KCNQ1: variants seen among roughly 807,000 people sequenced by gnomAD.
KCNQ1 encodes potassium voltage-gated channel subfamily KQT member 1.
In KCNQ1, 49 loss-of-function variants were observed where a neutral mutation model predicts 72.4. That is an observed-to-expected ratio of 0.68 (90% confidence interval 0.54 to 0.86). The LOEUF is 0.86. KCNQ1 is among the 40% of genes least tolerant of loss of function. KCNQ1 has a pLI of 0.00. For missense variants in KCNQ1, 790 were observed against 945.1 expected, an observed-to-expected ratio of 0.84 and a Z score of 2.15; for synonymous variants, 450 against 412.6, an observed-to-expected ratio of 1.09 and a Z score of -1.10.
chr11:2,801,795 G>A (rs1847271797), intron 15 of KCNQ1, among the ~76,000 whole-genome samples: 1 of 152,216 alleles, frequency 6.6e-6, no homozygotes, highest in South Asian at 2.1e-4. Context: ...CTTGTTGCGG[G>A]GGTGTCCTTG....
chr11:2,496,959 A>C (rs1393453701), intron 1 of KCNQ1, among the ~76,000 whole-genome samples: 1 of 152,162 alleles, frequency 6.6e-6, no homozygotes, highest in East Asian at 1.9e-4. Flanking sequence ...TTCTGCTTGA[A>C]AATTCTTTTC....
rs1849881468 is a variant in KCNQ1, at chr11:2,657,999, T to C, written c.1394-3962T>C. The C allele has an allele frequency of 2.5e-6, 1 of 398,582 alleles. No individual in the cohort carries two copies. Among genetic ancestry groups the C allele is most frequent in the Non-Finnish European group, 4.4e-6 (1 of 226,056 alleles). 24.7% of individuals were successfully genotyped at this position (398,582 alleles called of 1,614,324 possible). A position where few individuals can be genotyped will look rare whatever the true frequency, so the allele number is the denominator to read the frequency against. On this transcript the variant is annotated intron_variant, in intron 10 of 15. Transcript: ENST00000155840. This position sits in a 1 kb window ranked among gnomAD's most constrained non-coding sequence, Gnocchi z 4.8. ...GCCAGGCTCCTCCACTGTAAGTGAA[T>C]AGCTGTTTTTCCCTTTCCATAGCTT... is the stretch of plus-strand genomic sequence containing the variant.
intron 11 of KCNQ1, chr11:2,672,174 T>G (rs984011719): frequency 2.5e-6 from 1 of 398,568 alleles, no homozygotes; most frequent in African/African-American, 2.1e-5. Flanking sequence ...TTTCAGTGTT[T>G]TCTTTAGGTT....
At chr11:2,552,319 G>T (rs1847995032) in intron 2 of KCNQ1, among the ~76,000 whole-genome samples, 1 of 152,118 alleles carries the variant, frequency 6.6e-6, no homozygotes, top group Non-Finnish European at 1.5e-5. Context: ...TCTGCATGTG[G>T]TTATCCAGTT....
At chr11:2,529,932 AG>A (rs1224490632) in intron 2 of KCNQ1, among the ~76,000 whole-genome samples, 4 of 152,178 alleles carry the variant, frequency 2.6e-5, no homozygotes, top group Non-Finnish European at 5.9e-5. Flanking sequence ...GATTCTGGTC[AG>A]GGGTCTTTCC....
rs1326326471 is a variant in KCNQ1 at position 2,588,457 on chromosome 11, A to G, written c.1252-256A>G. ...TCCACTGGCACCATCTTGTACGTTT[A>G]TCTGCTTCCTGCTGTCCTGTTAGCG... is the stretch of plus-strand genomic sequence containing the variant. On this transcript the variant is annotated intron_variant, in intron 9 of 15. Transcript: ENST00000155840. The surrounding 1 kb of genome is among the most constrained non-coding windows in gnomAD (Gnocchi z 5.6). Among the ~76,000 whole-genome samples, 2 of 151,912 alleles carry G rather than the reference A, an allele frequency of 1.3e-5. No homozygotes were observed. The highest frequency in any genetic ancestry group is 4.8e-5 in the African/African-American group (2 of 41,362).
chr11:2,695,005 A>C lies in KCNQ1; in HGVS notation c.1514+32924A>C. ...AGGCTGGCAGAGCCAAAGCTCAGTG[A>C]GGGAGGACAGTGGTCAGAGAGGTAA... On this transcript the variant is annotated intron_variant, in intron 11 of 15. Transcript: ENST00000155840. The surrounding 1 kb of genome is among the most constrained non-coding windows in gnomAD (Gnocchi z 5.2). The C allele has an allele frequency of 2.5e-6, 1 of 398,752 alleles. No individual in the cohort carries two copies. The highest frequency in any genetic ancestry group is 4.4e-6 in the Non-Finnish European group (1 of 226,122). 24.7% of individuals were successfully genotyped at this position (398,752 alleles called of 1,614,324 possible).
intron 1 of KCNQ1, among the ~76,000 whole-genome samples, chr11:2,524,953 G>A (rs1847470353): frequency 6.6e-6 from 1 of 152,200 alleles, no homozygotes; most frequent in Non-Finnish European, 1.5e-5. Flanking sequence ...CCTCGTGGCT[G>A]AGCCAGGCTG....
chr11:2,540,370 C>A (rs983239735), intron 2 of KCNQ1, among the ~76,000 whole-genome samples: 3 of 152,146 alleles, frequency 2.0e-5, no homozygotes, highest in African/African-American at 7.3e-5. Context: ...GGACAGGGCT[C>A]GGTGCGGCCT....
intron 11 of KCNQ1, among the ~76,000 whole-genome samples, chr11:2,740,220 G>C (rs1846028881): frequency 2.6e-5 from 4 of 152,150 alleles, no homozygotes; most frequent in Admixed American, 2.6e-4. Flanking sequence ...CAGGAGGGAG[G>C]GTGGGGGATG....
At position 2,723,643 on chromosome 11, in the gene KCNQ1, C is replaced by G. The variant is rs528313870; in HGVS notation, c.1515-45201C>G. 3.9e-5 allele frequency among the ~76,000 whole-genome samples: 6 copies of G among 152,334 alleles called. No homozygotes were observed. In the East Asian group the frequency reaches 7.7e-4, roughly 20 times the overall value. On this transcript the variant is annotated intron_variant, in intron 11 of 15. Transcript: ENST00000155840. This position sits in a 1 kb window ranked among gnomAD's most constrained non-coding sequence, Gnocchi z 4.2. ...GAAGTAGCAACAGCCTCGAATCCCT[C>G]ACACCTAGCGGTTGGCTGGGCAGGT...
chr11:2,546,841 T>C (rs943180651), intron 2 of KCNQ1, among the ~76,000 whole-genome samples: 3 of 152,242 alleles, frequency 2.0e-5, no homozygotes, highest in Non-Finnish European at 4.4e-5. Context: ...CATTTGTCAT[T>C]ATGAAACTGC....
chr11:2,657,699 T>C lies in KCNQ1; in HGVS notation c.1394-4262T>C, dbSNP rs1849874586. ...GTCCTTTTTCTGTTCCAAGATCCCATCTAGGATCGATCATTACATTTATTG... is the reference window on the plus strand; with the variant it reads ...GTCCTTTTTCTGTTCCAAGATCCCACCTAGGATCGATCATTACATTTATTG... On this transcript the variant is annotated intron_variant, in intron 10 of 15. Coordinates refer to ENST00000155840, the MANE Select transcript of KCNQ1 (RefSeq NM_000218.3). This position sits in a 1 kb window ranked among gnomAD's most constrained non-coding sequence, Gnocchi z 4.8. 3 of 398,620 alleles carry C rather than the reference T, an allele frequency of 7.5e-6. No individual in the cohort carries two copies. Among genetic ancestry groups the C allele is most frequent in the Non-Finnish European group, 1.3e-5 (3 of 226,050 alleles). 24.7% of individuals were successfully genotyped at this position (398,620 alleles called of 1,614,324 possible). A position where few individuals can be genotyped will look rare whatever the true frequency, so the allele number is the denominator to read the frequency against.
Position 2,750,877 on chromosome 11 carries a change from C to A in KCNQ1, c.1515-17967C>A, listed in dbSNP as rs1846215676. On this transcript the variant is annotated intron_variant, in intron 11 of 15. Transcript: ENST00000155840. The surrounding 1 kb of genome is among the most constrained non-coding windows in gnomAD (Gnocchi z 6.3). ...AGGGCTGACAGCCTGCGACAAACGT[C>A]CTCATAATCTCCCCAGGATTTAAAC... Among the ~76,000 whole-genome samples, 1 of 152,174 alleles carries A rather than the reference C, an allele frequency of 6.6e-6. No individual in the cohort carries two copies. Among genetic ancestry groups the A allele is most frequent in the South Asian group, 2.1e-4 (1 of 4,834 alleles).
In KCNQ1 at chr11:2,620,943, G is replaced by GTTT. The variant is rs1188209867; in HGVS notation, c.1393+32091_1393+32093dup. ...GGTGTTTTTTTGTTGTTGTTGTTTT[G>GTTT]TTTTGTTTTTTTTTGTCTGTTTTTT... On this transcript the variant is annotated intron_variant, in intron 10 of 15. Coordinates refer to ENST00000155840, the MANE Select transcript of KCNQ1 (RefSeq NM_000218.3). The surrounding 1 kb of genome is among the most constrained non-coding windows in gnomAD (Gnocchi z 4.5). 25 of 306,690 alleles carry GTTT rather than the reference G, an allele frequency of 8.2e-5. No homozygotes were observed. Among genetic ancestry groups the GTTT allele is most frequent in the Non-Finnish European group, 1.1e-4 (21 of 188,502 alleles). The allele number at this position is 306,690 out of a possible 1,614,324, so 19.0% of individuals were successfully genotyped here. A position where few individuals can be genotyped will look rare whatever the true frequency, so the allele number is the denominator to read the frequency against.
In KCNQ1 at chr11:2,451,429, C is replaced by T. The variant is rs1846117593; in HGVS notation, c.386+5945C>T. ...CTGTGCGGCCTGCTCCCTAACAGGC[C>T]ACGGACCCGGGGTTGGAGAACCCTG... is the stretch of plus-strand genomic sequence containing the variant. On this transcript the variant is annotated intron_variant, in intron 1 of 15. Transcript: ENST00000155840. This position sits in a 1 kb window ranked among gnomAD's most constrained non-coding sequence, Gnocchi z 6.4. Among the ~76,000 whole-genome samples, 1 of 152,180 alleles carries T rather than the reference C, an allele frequency of 6.6e-6. No individual in the cohort carries two copies. The highest frequency in any genetic ancestry group is 1.5e-5 in the Non-Finnish European group (1 of 68,044).
rs886039033 is a variant in KCNQ1 at position 2,572,865 on chromosome 11, A to T, written c.800A>T (p.Tyr267Phe). ...IHRQELITTL[Y>F]IGFLGLIFSS... ...GCCTAGGAGCTGATAACCACCCTGT[A>T]CATCGGCTTCCTGGGCCTCATCTTC... The change falls in exon 6 of 16, where the codon TAC becomes TTC. Residue 267 changes from tyrosine (Y) to phenylalanine (F), a missense_variant. This residue lies in a region of KCNQ1 where 133 missense variants were observed against 219.5 expected (regional missense o/e 0.61). Transcript: ENST00000155840. The T allele has an allele frequency of 1.2e-6, 2 of 1,613,808 alleles. No homozygotes were observed. The highest frequency in any genetic ancestry group is 1.7e-6 in the Non-Finnish European group (2 of 1,180,016).
chr11:2,574,434 G>A (rs953956279), intron 6 of KCNQ1, among the ~76,000 whole-genome samples: 1 of 151,834 alleles, frequency 6.6e-6, no homozygotes, highest in Non-Finnish European at 1.5e-5. Context: ...CACAGGGTGG[G>A]AGCCAAGGCC....
Position 2,808,097 on chromosome 11 carries a change from A to C in KCNQ1, c.1794+30060A>C, listed in dbSNP as rs1475675639. Among the ~76,000 whole-genome samples the C allele has an allele frequency of 2.0e-5, 3 of 152,110 alleles. No homozygotes were observed. Among genetic ancestry groups the C allele is most frequent in the African/African-American group, 7.2e-5 (3 of 41,424 alleles). ...AAGGCGGCTGCTTCCCGCCCCTCTC[A>C]TGGACACCACTGTGGGCACCACTTG... On this transcript the variant is annotated intron_variant, in intron 15 of 15. Transcript: ENST00000155840. The surrounding 1 kb of genome is among the most constrained non-coding windows in gnomAD (Gnocchi z 6.0).
Sources: gnomAD v4.1 joint callset for allele counts (sites outside exome capture counted in the v4.1 genomes callset) on GRCh38, gnomAD v4.1.1 for gene constraint, gnomAD v4.1.1 regional missense constraint, Gnocchi (gnomAD v3.1) non-coding constraint, MANE v1.5 for transcripts, NCBI Gene and HGNC (gene_info 2026-07-23, HGNC 2026-07-21) for gene names.